NDUFA10: variants seen among roughly 807,000 people sequenced by gnomAD.
NDUFA10 encodes NADH:ubiquinone oxidoreductase subunit A10, also known as NADH dehydrogenase [ubiquinone] 1 alpha subcomplex subunit 10, mitochondrial.
NDUFA10 carries 40 observed loss-of-function variants against 47.8 expected under a neutral mutation model. That is an observed-to-expected ratio of 0.84 (90% CI 0.65 to 1.09). NDUFA10 has a LOEUF of 1.09. Among genes scored for constraint, NDUFA10 ranks in the 50% least tolerant of loss-of-function variants. The pLI is 0.00. For missense variants in NDUFA10, 413 were observed against 451.1 expected (o/e 0.92, Z 0.76); for synonymous variants, 183 against 172.2 (o/e 1.06, Z -0.49).
At chr2:239,954,047 C>T (rs1694607244), downstream of NDUFA10, among the ~76,000 whole-genome samples, 1 of 151,936 alleles carries the variant, frequency 6.6e-6, no homozygotes, top group Non-Finnish European at 1.5e-5. Flanking sequence ...AGTGGGTTCC[C>T]CCTGACGGTC....
chr2:239,933,863 T>C (rs1047567149), intron 4 of NDUFA10, among the ~76,000 whole-genome samples: 1 of 148,352 alleles, frequency 6.7e-6, no homozygotes, highest in Admixed American at 6.7e-5. Context: ...GTTTTGTATT[T>C]TGAATTTTTT....
intron 9 of NDUFA10, among the ~76,000 whole-genome samples, chr2:239,979,672 C>G (rs78571298): frequency 0.015 from 2,310 of 152,194 alleles, 50 homozygotes; most frequent in African/African-American, 0.053. Flanking sequence ...CCTCCCTGAC[C>G]GCCTTGGCCC....
intron 9 of NDUFA10, among the ~76,000 whole-genome samples, chr2:239,984,291 C>A (rs980160679): frequency 7.9e-5 from 12 of 150,982 alleles, no homozygotes; most frequent in South Asian, 2.1e-4. Context: ...TTAATTATAA[C>A]AAGTGTACCA....
intron 9 of NDUFA10, among the ~76,000 whole-genome samples, chr2:239,974,103 T>A (rs1373851640): frequency 1.3e-5 from 2 of 152,066 alleles, no homozygotes; most frequent in Non-Finnish European, 2.9e-5. Flanking sequence ...ATTCTTGTGT[T>A]TTTTAGGAAG....
intron 9 of NDUFA10, among the ~76,000 whole-genome samples, chr2:239,965,044 C>T (rs1290240449): frequency 6.6e-6 from 1 of 152,208 alleles, no homozygotes; most frequent in Non-Finnish European, 1.5e-5. Context: ...CAGGTCTGTT[C>T]ACAGCAGTAC....
intron 9 of NDUFA10, among the ~76,000 whole-genome samples, chr2:239,965,422 A>C (rs1370896477): frequency 1.3e-5 from 2 of 152,328 alleles, no homozygotes; most frequent in East Asian, 3.9e-4. Flanking sequence ...TTCCACCCCC[A>C]AAACCCAGTG....
chr2:239,951,932 T>C lies in NDUFA10; in HGVS notation c.294+38142A>G, dbSNP rs138097477. The stretch of plus-strand genomic sequence containing the variant: ...ACGCCTGCCCAGGCTCCTGCCTGGC[T>C]CTGTCCCTCTCGAGACCTGAGATGG... On this transcript the variant is annotated intron_variant, in intron 4 of 5. Coordinates refer to the NDUFA10 transcript ENST00000419408. Among the ~76,000 whole-genome samples the C allele has an allele frequency of 3.6e-3, 550 of 152,330 alleles. 3 individuals are homozygous for C. Among genetic ancestry groups the C allele is most frequent in the Middle Eastern group, 6.8e-3 (2 of 294 alleles).
At chr2:240,006,717 C>T (rs945618854) in intron 7 of NDUFA10, among the ~76,000 whole-genome samples, 7 of 152,214 alleles carry the variant, frequency 4.6e-5, no homozygotes, top group Non-Finnish European at 1.0e-4. Flanking sequence ...CTTTAAGGAA[C>T]TAACTTTGCC....
chr2:240,024,434 T>C (rs756469995), intron 1 of NDUFA10, among the ~76,000 whole-genome samples: 1 of 152,188 alleles, frequency 6.6e-6, no homozygotes, highest in Admixed American at 6.5e-5. Context: ...GTTAATGAGA[T>C]CTGTGGTTGT....
intron 4 of NDUFA10, among the ~76,000 whole-genome samples, chr2:239,898,759 G>T (rs1040418020): frequency 6.6e-6 from 1 of 152,198 alleles, no homozygotes; most frequent in Non-Finnish European, 1.5e-5. Flanking sequence ...CCACATTCAC[G>T]AGTGCACAAC....
At chr2:239,914,589 AT>A (rs1693812091) in intron 4 of NDUFA10, among the ~76,000 whole-genome samples, 1 of 148,260 alleles carries the variant, frequency 6.7e-6, no homozygotes, top group African/African-American at 2.6e-5. Context: ...GAACACATAC[AT>A]ACATAGACAC....
At chr2:239,994,373 A>T (rs569457979) in intron 8 of NDUFA10, among the ~76,000 whole-genome samples, 1 of 151,818 alleles carries the variant, frequency 6.6e-6, no homozygotes, top group Non-Finnish European at 1.5e-5. Flanking sequence ...CACAAACCCT[A>T]TTGTGAACTG....
intron 4 of NDUFA10, among the ~76,000 whole-genome samples, chr2:239,917,432 C>T (rs1693897023): frequency 6.6e-6 from 1 of 152,182 alleles, no homozygotes; most frequent in Non-Finnish European, 1.5e-5. Flanking sequence ...TTCTCTGTAA[C>T]TAGTAACTTC....
At chr2:240,017,752 G>T in intron 4 of NDUFA10, 1 of 1,357,976 alleles carries the variant, frequency 7.4e-7, no homozygotes, top group Non-Finnish European at 1.0e-6. Flanking sequence ...CACAGGTGGA[G>T]TACCGGCAAC....
At chr2:240,015,718 C>T (rs1308835123) in intron 4 of NDUFA10, among the ~76,000 whole-genome samples, 1 of 152,254 alleles carries the variant, frequency 6.6e-6, no homozygotes, top group Non-Finnish European at 1.5e-5. Flanking sequence ...ACCCGACCTC[C>T]CAGAAGCCAA....
intron 2 of NDUFA10, 85 bp from the exon 3 acceptor site, chr2:240,021,497 C>T: frequency 1.6e-6 from 2 of 1,243,172 alleles, no homozygotes; most frequent in Non-Finnish European, 2.3e-6. Context: ...AAACACACAG[C>T]CCGCCCGAAT....
intron 4 of NDUFA10, 142 bp from the exon 5 acceptor site, chr2:240,015,002 G>T: frequency 1.6e-6 from 2 of 1,266,974 alleles, no homozygotes; most frequent in Admixed American, 2.0e-5. Flanking sequence ...CTCGGTCACA[G>T]TTCTAAGCAC....
chr2:239,984,798 GCGCTCC>G (rs1695930183), intron 9 of NDUFA10, among the ~76,000 whole-genome samples: 1 of 152,234 alleles, frequency 6.6e-6, no homozygotes, highest in African/African-American at 2.4e-5. Context: ...CGTCCCTGAG[GCGCTCC>G]CTGGTCCCAC....
chr2:239,920,055 A>G (rs1325062897), intron 4 of NDUFA10, among the ~76,000 whole-genome samples: 2 of 152,028 alleles, frequency 1.3e-5, no homozygotes, highest in African/African-American at 4.8e-5. Flanking sequence ...CCCCCCATTC[A>G]TATGTTGAAG....
Sources: allele counts gnomAD v4.1 joint callset (sites outside exome capture counted in the v4.1 genomes callset), GRCh38; gene constraint gnomAD v4.1.1; transcripts MANE v1.5; gene names NCBI Gene and HGNC (gene_info 2026-07-23, HGNC 2026-07-21).